Variants in BLVRA observed in about 807,000 individuals in gnomAD.
BLVRA encodes biliverdin reductase A.
In BLVRA, 22 loss-of-function variants were observed where a neutral mutation model predicts 32.8. The observed-to-expected ratio is 0.67, with a 90% CI of 0.48 to 0.96. The LOEUF is 0.96. Among genes scored for constraint, BLVRA ranks in the 40% least tolerant of loss-of-function variants. The pLI is 0.00. For missense variants in BLVRA, 323 were observed against 358.1 expected, an observed-to-expected ratio of 0.90 and a Z score of 0.79; for synonymous variants, 119 against 141.3, an observed-to-expected ratio of 0.84 and a Z score of 1.12.
At chr7:43,790,208 G>A (rs529528965) in intron 3 of BLVRA, among the ~76,000 whole-genome samples, 8 of 152,084 alleles carry the variant, frequency 5.3e-5, no homozygotes, top group African/African-American at 1.7e-4. Flanking sequence ...TGCCCCAGCC[G>A]CTGCACTGGG....
At chr7:43,779,225 T>C (rs2095765796) in intron 2 of BLVRA, among the ~76,000 whole-genome samples, 1 of 152,240 alleles carries the variant, frequency 6.6e-6, no homozygotes, top group African/African-American at 2.4e-5. Context: ...ATCACCCGTC[T>C]TCTGCGTTGC....
rs2095778548 is a variant in BLVRA, at chr7:43,787,025, C to A, written c.13-879C>A. ...GCAATCTCCGCCTCCCAGGTTCAAG[C>A]AATTCTCCTGCCTCGGCCTCCTAAG... On this transcript the variant is annotated intron_variant, in intron 2 of 7. Transcript: ENST00000265523. The surrounding 1 kb of genome is among the most constrained non-coding windows in gnomAD (Gnocchi z 4.5). 6.6e-6 allele frequency among the ~76,000 whole-genome samples: 1 copy of A among 152,068 alleles called. No individual in the cohort carries two copies. Among genetic ancestry groups the A allele is most frequent in the South Asian group, 2.1e-4 (1 of 4,826 alleles).
intron 2 of BLVRA, among the ~76,000 whole-genome samples, chr7:43,775,855 T>C (rs1264068648): frequency 6.6e-6 from 1 of 152,224 alleles, no homozygotes; most frequent in East Asian, 1.9e-4. Flanking sequence ...AACTTCTTCC[T>C]GGTTTAGTCT....
rs768984886 is a variant in BLVRA, at chr7:43,803,688, A to G, written c.473A>G (p.Glu158Gly). 6.2e-6 allele frequency: 10 copies of G among 1,603,046 alleles called. 1 individual carries two copies. In the East Asian group the frequency reaches 2.3e-4, roughly 36 times the overall value. Reference protein sequence around the residue: ...GSLLFTAGPLEEERFGFPAFS... With the variant: ...GSLLFTAGPLGEERFGFPAFS... ...TGATTTCCCACAGCTGGCCCGTTGG[A>G]AGAAGAGCGGTTTGGCTTCCCTGCA... Residue 158 changes from glutamate (E) to glycine (G), a missense_variant, in exon 7 of 8, where the codon GAA becomes GGA. Glu to Gly is a moderately conservative substitution (Grantham distance 98). Transcript: ENST00000265523.
At chr7:43,790,789 C>T (rs2095784907) in intron 3 of BLVRA, among the ~76,000 whole-genome samples, 1 of 152,226 alleles carries the variant, frequency 6.6e-6, no homozygotes. Flanking sequence ...TCTCCTGCCT[C>T]AGCCTCCCAG....
chr7:43,806,873 G>T, intron 7 of BLVRA, 104 bp from the exon 8 acceptor site: 2 of 1,336,746 alleles, frequency 1.5e-6, no homozygotes, highest in Non-Finnish European at 2.1e-6. Context: ...AAGGAGGATG[G>T]GTGCCTGACA....
At chr7:43,785,331 CCA>C (rs2095775966) in intron 2 of BLVRA, among the ~76,000 whole-genome samples, 1 of 133,314 alleles carries the variant, frequency 7.5e-6, no homozygotes. Context: ...TTAGAAATTA[CCA>C]AAAAAAAAAA....
intron 2 of BLVRA, among the ~76,000 whole-genome samples, chr7:43,775,291 C>G (rs1039360736): frequency 6.6e-6 from 1 of 152,098 alleles, no homozygotes; most frequent in African/African-American, 2.4e-5. Flanking sequence ...ATAGATAGCT[C>G]TTATTATTTT....
chr7:43,765,357 T>G (rs1231015495), intron 1 of BLVRA, among the ~76,000 whole-genome samples: 1 of 152,098 alleles, frequency 6.6e-6, no homozygotes, highest in African/African-American at 2.4e-5. Context: ...GTTCAAGCAA[T>G]TCTCATGTCT....
chr7:43,774,206 T>C (rs1159292782), intron 2 of BLVRA, among the ~76,000 whole-genome samples: 8 of 152,238 alleles, frequency 5.3e-5, no homozygotes, highest in Non-Finnish European at 1.2e-4. Context: ...AGACATGAAG[T>C]CCTTGCCCAT....
chr7:43,761,666 T>C (rs2095742416), intron 1 of BLVRA, among the ~76,000 whole-genome samples: 1 of 152,210 alleles, frequency 6.6e-6, no homozygotes, highest in African/African-American at 2.4e-5. Context: ...GTGGACTTCA[T>C]TATCAGAGCA....
intron 4 of BLVRA, among the ~76,000 whole-genome samples, chr7:43,792,347 G>A (rs1426934983): frequency 2.0e-5 from 3 of 152,310 alleles, no homozygotes; most frequent in Non-Finnish European, 2.9e-5. Flanking sequence ...GACTGCCTCA[G>A]GCAAAGCTAG....
At chr7:43,789,855 G>A (rs997657192) in intron 3 of BLVRA, among the ~76,000 whole-genome samples, 5 of 147,960 alleles carry the variant, frequency 3.4e-5, no homozygotes, top group Admixed American at 6.9e-5. Context: ...TCTCCTGGTA[G>A]TCTTGTGGTA....
At chr7:43,785,519 C>T (rs2095776320) in intron 2 of BLVRA, among the ~76,000 whole-genome samples, 1 of 152,096 alleles carries the variant, frequency 6.6e-6, no homozygotes, top group Non-Finnish European at 1.5e-5. Context: ...TCCCAGGACT[C>T]CCAGGAAACT....
chr7:43,804,772 T>A (rs1936888088), intron 7 of BLVRA, among the ~76,000 whole-genome samples: 1 of 152,234 alleles, frequency 6.6e-6, no homozygotes, highest in Admixed American at 6.5e-5. Flanking sequence ...CCAAAGCACC[T>A]GGGCTCTGTA....
chr7:43,788,768 G>A (rs2095781560), intron 3 of BLVRA, among the ~76,000 whole-genome samples: 1 of 151,780 alleles, frequency 6.6e-6, no homozygotes, highest in Non-Finnish European at 1.5e-5. Flanking sequence ...CTGAGTAGCT[G>A]GGACTACAGA....
At chr7:43,774,822 T>C (rs948101420) in intron 2 of BLVRA, among the ~76,000 whole-genome samples, 68 of 152,340 alleles carry the variant, frequency 4.5e-4, no homozygotes, top group African/African-American at 1.6e-3. Flanking sequence ...CATTGAGCAG[T>C]GGTTTGTAGT....
intron 3 of BLVRA, among the ~76,000 whole-genome samples, chr7:43,789,597 C>T (rs1346670310): frequency 6.6e-6 from 1 of 152,192 alleles, no homozygotes; most frequent in East Asian, 1.9e-4. Flanking sequence ...TTCCCTTAAG[C>T]CCCAGTCCTC....
At chr7:43,803,437 A>G (rs1278261391) in intron 6 of BLVRA, among the ~76,000 whole-genome samples, 2 of 152,146 alleles carry the variant, frequency 1.3e-5, no homozygotes, top group Non-Finnish European at 2.9e-5. Flanking sequence ...GTTTTACTAA[A>G]ACTCAATTTA....
Sources: gnomAD v4.1 joint callset for allele counts (sites outside exome capture counted in the v4.1 genomes callset) on GRCh38, gnomAD v4.1.1 for gene constraint, Gnocchi (gnomAD v3.1) non-coding constraint, MANE v1.5 for transcripts, NCBI Gene and HGNC (gene_info 2026-07-23, HGNC 2026-07-21) for gene names.